GDPD5: variants seen among roughly 807,000 people sequenced by gnomAD.
GDPD5 encodes glycerophosphodiester phosphodiesterase 2.
GDPD5 carries 48 observed loss-of-function variants against 75.1 expected under a neutral mutation model. That is an observed-to-expected ratio of 0.64 (90% CI 0.51 to 0.81). The LOEUF (loss-of-function observed/expected upper bound fraction) is 0.81, where lower values mean the gene tolerates loss of function less well. Ranked by LOEUF, GDPD5 falls within the 40% of genes least tolerant of loss-of-function variation. The pLI is 0.00. For missense variants in GDPD5, 706 were observed against 822.6 expected (o/e 0.86, Z 1.73); for synonymous variants, 336 against 339.0 (o/e 0.99, Z 0.10).
chr11:75,514,295 G>C lies in GDPD5; in HGVS notation c.-145+10915C>G, dbSNP rs576272831. On this transcript the variant is annotated intron_variant, in intron 1 of 16. Transcript: ENST00000336898. ...TCCCAGGTTGGCTAGGGTCCCAGAG[G>C]GGGAGAAGCAGGAGAAGGGTCTTCA... Among the ~76,000 whole-genome samples the C allele has an allele frequency of 3.3e-5, 5 of 152,350 alleles. No individual in the cohort carries two copies. In the East Asian group the frequency reaches 7.7e-4, roughly 24 times the overall value.
intron 9 of GDPD5, 145 bp from the exon 10 acceptor site, chr11:75,444,640 C>T (rs1264394113): frequency 3.2e-6 from 2 of 631,922 alleles, no homozygotes; most frequent in East Asian, 2.8e-5. Flanking sequence ...TGACCCTGGG[C>T]ACCCACTCAG....
Position 75,522,821 on chromosome 11 carries a change from TCAGA to T in GDPD5, c.-145+2385_-145+2388del, listed in dbSNP as rs374423844. Among the ~76,000 whole-genome samples the T allele has an allele frequency of 2.8e-4, 43 of 151,158 alleles. 1 individual carries two copies. In the East Asian group the frequency reaches 7.7e-3, roughly 27 times the overall value. ...CACTGCACCTTGGTGCCTAGGGAGG[TCAGA>T]CAATGGGCCCGAGGGAATGGACACC... On this transcript the variant is annotated intron_variant, in intron 1 of 16. Transcript: ENST00000336898.
intron 1 of GDPD5, among the ~76,000 whole-genome samples, chr11:75,518,984 T>G (rs1320869970): frequency 6.6e-6 from 1 of 152,106 alleles, no homozygotes; most frequent in African/African-American, 2.4e-5. Context: ...ATAAAAGAAC[T>G]CAAAGCAGGC....
chr11:75,489,124 T>C (rs1950064589), intron 2 of GDPD5, among the ~76,000 whole-genome samples: 1 of 152,156 alleles, frequency 6.6e-6, no homozygotes, highest in African/African-American at 2.4e-5. Flanking sequence ...TCTGAAAGCC[T>C]GAATTCTGCC....
intron 5 of GDPD5, among the ~76,000 whole-genome samples, 162 bp downstream of exon 5, chr11:75,457,531 T>C (rs1401331904): frequency 6.6e-6 from 1 of 152,260 alleles, no homozygotes; most frequent in Non-Finnish European, 1.5e-5. Context: ...TCTTTCTGTA[T>C]TTTTGATTAC....
chr11:75,466,339 A>G (rs1160600800), intron 3 of GDPD5, among the ~76,000 whole-genome samples: 1 of 152,148 alleles, frequency 6.6e-6, no homozygotes, highest in Admixed American at 6.5e-5. Flanking sequence ...AGAGGAAAAC[A>G]CTGAATGGCA....
rs551267459 is a variant in GDPD5, at chr11:75,510,037, G to C, written c.-145+15173C>G. ...CTCCCCGTGCTAAGCTGCAGCATGC[G>C]CTCAATGCCACTGCCACTCCCAGTC... On this transcript the variant is annotated intron_variant, in intron 1 of 16. Transcript: ENST00000336898. 6.1e-4 allele frequency among the ~76,000 whole-genome samples: 93 copies of C among 152,312 alleles called. 2 individuals carry two copies. Among genetic ancestry groups the C allele is most frequent in the African/African-American group, 2.1e-3 (88 of 41,564 alleles).
intron 9 of GDPD5, among the ~76,000 whole-genome samples, chr11:75,447,256 C>T (rs1370489980): frequency 2.0e-5 from 3 of 152,106 alleles, no homozygotes; most frequent in Non-Finnish European, 2.9e-5. Context: ...ACATTTGGAT[C>T]CTGATTTTTA....
At chr11:75,496,943 G>A (rs1243304243) in intron 1 of GDPD5, among the ~76,000 whole-genome samples, 2 of 151,732 alleles carry the variant, frequency 1.3e-5, no homozygotes, top group Non-Finnish European at 2.9e-5. Context: ...ACCATACCCG[G>A]CAAATTTTTG....
chr11:75,521,034 C>T lies in GDPD5; in HGVS notation c.-145+4176G>A, dbSNP rs77881011. Among the ~76,000 whole-genome samples, 133 of 152,342 alleles carry T rather than the reference C, an allele frequency of 8.7e-4. No individual in the cohort carries two copies. The East Asian group carries it at 0.024, about 27-fold the overall frequency. On this transcript the variant is annotated intron_variant, in intron 1 of 16. Transcript: ENST00000336898. The stretch of plus-strand genomic sequence containing the variant: ...CTGCCCGTCATACCACATCCTCTGG[C>T]CCTGGTGCTGTGGTCTCCTCCTCCT...
chr11:75,518,927 C>T (rs1230815360), intron 1 of GDPD5, among the ~76,000 whole-genome samples: 2 of 152,092 alleles, frequency 1.3e-5, no homozygotes, highest in African/African-American at 2.4e-5. Context: ...GCAGGATTAA[C>T]GCTGGAAGAC....
At chr11:75,520,278 G>A (rs1690292800) in intron 1 of GDPD5, among the ~76,000 whole-genome samples, 1 of 152,234 alleles carries the variant, frequency 6.6e-6, no homozygotes. Flanking sequence ...TCATGCTGAT[G>A]GAGTACCCAC....
At chr11:75,463,204 T>C (rs1949451598) in intron 3 of GDPD5, among the ~76,000 whole-genome samples, 1 of 152,214 alleles carries the variant, frequency 6.6e-6, no homozygotes, top group Non-Finnish European at 1.5e-5. Context: ...ACGGCTCCCT[T>C]GGCGCTGGCA....
intron 4 of GDPD5, among the ~76,000 whole-genome samples, chr11:75,461,534 C>A (rs1174352548): frequency 6.6e-6 from 1 of 152,224 alleles, no homozygotes; most frequent in African/African-American, 2.4e-5. Flanking sequence ...AACACCACAG[C>A]CTGTCAGAAG....
intron 9 of GDPD5, among the ~76,000 whole-genome samples, chr11:75,445,463 T>G (rs1948961980): frequency 6.6e-6 from 1 of 152,178 alleles, no homozygotes; most frequent in Non-Finnish European, 1.5e-5. Flanking sequence ...CCTCCCTAGT[T>G]GGGTCTCATC....
chr11:75,475,054 A>G (rs1949749970), intron 3 of GDPD5, among the ~76,000 whole-genome samples: 1 of 152,250 alleles, frequency 6.6e-6, no homozygotes. Context: ...AGATGTTACA[A>G]CAATGACTAG....
At chr11:75,462,334 C>T (rs1051365068) in intron 4 of GDPD5, among the ~76,000 whole-genome samples, 17 of 152,136 alleles carry the variant, frequency 1.1e-4, no homozygotes, top group East Asian at 5.8e-4. Context: ...TTCAGGAGGC[C>T]AGGAATGCAG....
intron 1 of GDPD5, among the ~76,000 whole-genome samples, chr11:75,499,523 C>T (rs1406836773): frequency 6.6e-6 from 1 of 151,156 alleles, no homozygotes; most frequent in Non-Finnish European, 1.5e-5. Context: ...CCTTGTGAAT[C>T]AGGGCGGGTC....
intron 1 of GDPD5, among the ~76,000 whole-genome samples, chr11:75,509,957 G>A (rs1950481179): frequency 6.6e-6 from 1 of 152,234 alleles, no homozygotes; most frequent in Non-Finnish European, 1.5e-5. Context: ...TGGGATTATA[G>A]GCATGAGCTA....
Sources: gnomAD v4.1 joint callset for allele counts (sites outside exome capture counted in the v4.1 genomes callset) on GRCh38, gnomAD v4.1.1 for gene constraint, MANE v1.5 for transcripts, NCBI Gene and HGNC (gene_info 2026-07-23, HGNC 2026-07-21) for gene names.